Variants in DEPTOR observed in about 807,000 individuals in gnomAD.
DEPTOR encodes the protein DEP domain-containing mTOR-interacting protein.
DEPTOR carries 41 observed loss-of-function variants against 41.6 expected under a neutral mutation model. The observed-to-expected ratio is 0.98, with a 90% CI of 0.77 to 1.28. The LOEUF (loss-of-function observed/expected upper bound fraction) is 1.28. Ranked by LOEUF, DEPTOR falls within the 50% of genes most tolerant of loss-of-function variation. DEPTOR has a pLI of 0.00. For missense variants in DEPTOR, 514 were observed against 527.9 expected (o/e 0.97, Z 0.26); for synonymous variants, 195 against 192.3 (o/e 1.01, Z -0.12).
intron 1 of DEPTOR, among the ~76,000 whole-genome samples, chr8:119,896,830 G>C (rs1445155018): frequency 6.6e-6 from 1 of 151,782 alleles, no homozygotes; most frequent in Non-Finnish European, 1.5e-5. Context: ...TGTCTGTGTT[G>C]GGCAAAAATT....
At chr8:119,875,188 C>G (rs2131328876) in intron 1 of DEPTOR, among the ~76,000 whole-genome samples, 1 of 152,116 alleles carries the variant, frequency 6.6e-6, no homozygotes, top group East Asian at 1.9e-4. Context: ...ACCTGTCACG[C>G]GGTGCCCGTG....
chr8:119,884,287 A>G (rs1827335901), intron 1 of DEPTOR, among the ~76,000 whole-genome samples: 1 of 152,156 alleles, frequency 6.6e-6, no homozygotes, highest in South Asian at 2.1e-4. Context: ...CAAACTCCTG[A>G]CCTCAAGTGA....
chr8:119,955,431 G>A (rs933863981), intron 3 of DEPTOR, among the ~76,000 whole-genome samples: 9 of 151,226 alleles, frequency 6.0e-5, no homozygotes, highest in African/African-American at 2.2e-4. Flanking sequence ...AGCTCTTAAT[G>A]TTTAGTTCCA....
intron 3 of DEPTOR, among the ~76,000 whole-genome samples, chr8:119,946,757 G>T (rs1178156130): frequency 2.0e-5 from 3 of 151,992 alleles, no homozygotes; most frequent in Non-Finnish European, 4.4e-5. Context: ...AAAAAAAAAA[G>T]TTCTCTGTGT....
intron 1 of DEPTOR, among the ~76,000 whole-genome samples, chr8:119,882,881 G>A (rs367799339): frequency 6.6e-5 from 10 of 152,172 alleles, no homozygotes; most frequent in African/African-American, 9.7e-5. Flanking sequence ...CTACCAAGGA[G>A]AGGTGGGTAC....
At chr8:120,039,904 G>T (rs1017078152) in intron 8 of DEPTOR, among the ~76,000 whole-genome samples, 1 of 152,044 alleles carries the variant, frequency 6.6e-6, no homozygotes, top group African/African-American at 2.4e-5. Context: ...GAGTGCAATG[G>T]CACAAACTCG....
intron 1 of DEPTOR, among the ~76,000 whole-genome samples, chr8:119,925,386 C>T (rs1353295353): frequency 2.6e-5 from 4 of 151,802 alleles, no homozygotes; most frequent in Non-Finnish European, 5.9e-5. Flanking sequence ...TGAGACTCTG[C>T]CTCAAAAACA....
chr8:119,882,920 T>A (rs1827316870), intron 1 of DEPTOR, among the ~76,000 whole-genome samples: 1 of 152,188 alleles, frequency 6.6e-6, no homozygotes, highest in South Asian at 2.1e-4. Flanking sequence ...TCTAGTATTA[T>A]CAGCCTTAAC....
chr8:119,901,615 G>T (rs1466116912), intron 1 of DEPTOR, among the ~76,000 whole-genome samples: 1 of 150,962 alleles, frequency 6.6e-6, no homozygotes, highest in Non-Finnish European at 1.5e-5. Flanking sequence ...GGTGGAGGTT[G>T]CAGTCAGCCG....
chr8:119,999,348 G>A (rs1812314377), intron 4 of DEPTOR, among the ~76,000 whole-genome samples: 1 of 152,128 alleles, frequency 6.6e-6, no homozygotes, highest in Admixed American at 6.6e-5. Flanking sequence ...AAAGGAATTA[G>A]AACATATAAG....
At chr8:119,925,981 G>C (rs1827959053) in intron 1 of DEPTOR, among the ~76,000 whole-genome samples, 1 of 152,224 alleles carries the variant, frequency 6.6e-6, no homozygotes, top group African/African-American at 2.4e-5. Flanking sequence ...TTTTAGAAGA[G>C]AGAACATGTG....
At chr8:119,946,898 C>T (rs1828285787) in intron 3 of DEPTOR, among the ~76,000 whole-genome samples, 1 of 152,148 alleles carries the variant, frequency 6.6e-6, no homozygotes, top group Non-Finnish European at 1.5e-5. Context: ...CCTGATGCTG[C>T]CCTTCTTCCC....
At chr8:119,949,773 G>C (rs1028263450) in intron 3 of DEPTOR, among the ~76,000 whole-genome samples, 1 of 151,968 alleles carries the variant, frequency 6.6e-6, no homozygotes. Flanking sequence ...TCCACCTCCC[G>C]GGTTCAAGCA....
rs537042002 is a variant in DEPTOR, at chr8:119,894,483, G to A, written c.122+20515G>A. ...GCAATCTTGGCTCACTGCAAGCTCC[G>A]CCTCCTGGGTTCACGGCATTCTCCT... On this transcript the variant is annotated intron_variant, in intron 1 of 8. Transcript: ENST00000286234. Among the ~76,000 whole-genome samples, 37 of 151,638 alleles carry A rather than the reference G, an allele frequency of 2.4e-4. 1 individual carries two copies. Among genetic ancestry groups the A allele is most frequent in the Non-Finnish European group, 4.4e-4 (30 of 67,940 alleles).
chr8:119,955,480 T>G (rs1397867603), intron 3 of DEPTOR, among the ~76,000 whole-genome samples: 1 of 152,132 alleles, frequency 6.6e-6, no homozygotes, highest in Non-Finnish European at 1.5e-5. Flanking sequence ...TTCTTTTTTT[T>G]TTTGAGTCAA....
chr8:119,936,555 G>A (rs1483654130), intron 3 of DEPTOR, among the ~76,000 whole-genome samples: 4 of 152,160 alleles, frequency 2.6e-5, no homozygotes, highest in African/African-American at 9.7e-5. Context: ...ATAAAAATGG[G>A]GGACATGAGC....
chr8:119,917,279 T>A (rs900768133), intron 1 of DEPTOR, among the ~76,000 whole-genome samples: 2 of 152,228 alleles, frequency 1.3e-5, no homozygotes, highest in East Asian at 1.9e-4. Context: ...CCATGTTGAT[T>A]TCAAAGACAG....
chr8:119,923,340 C>T (rs917601542), intron 1 of DEPTOR, among the ~76,000 whole-genome samples: 2 of 151,974 alleles, frequency 1.3e-5, no homozygotes, highest in African/African-American at 4.8e-5. Flanking sequence ...ACCTCCCAGG[C>T]TCAAGTGATG....
At chr8:120,020,237 A>C (rs566725707) in intron 8 of DEPTOR, among the ~76,000 whole-genome samples, 7 of 152,178 alleles carry the variant, frequency 4.6e-5, no homozygotes, top group African/African-American at 1.7e-4. Context: ...CTACAAGTGC[A>C]TGCCCAGCTA....
Sources: gnomAD v4.1 joint callset for allele counts (sites outside exome capture counted in the v4.1 genomes callset) on GRCh38, gnomAD v4.1.1 for gene constraint, MANE v1.5 for transcripts, NCBI Gene and HGNC (gene_info 2026-07-23, HGNC 2026-07-21) for gene names.